Variants in GALNT17 observed in about 807,000 individuals in gnomAD.
GALNT17 encodes polypeptide N-acetylgalactosaminyltransferase 17.
GALNT17 carries 29 observed loss-of-function variants against 63.7 expected under a neutral mutation model. That is an observed-to-expected ratio of 0.46 (90% CI 0.34 to 0.62). The LOEUF (loss-of-function observed/expected upper bound fraction) is 0.62, where lower values mean the gene tolerates loss of function less well. Among genes scored for constraint, GALNT17 ranks in the 20% least tolerant of loss-of-function variants. The probability of loss-of-function intolerance (pLI) is 0.01; values close to 1 mark genes in which losing one functional copy is unlikely to be tolerated. For synonymous variants in GALNT17, 305 were observed against 318.3 expected (o/e 0.96, Z 0.45); for missense variants, 603 against 799.6 (o/e 0.75, Z 2.97).
At chr7:71,159,833 G>T (rs1678059122) in intron 1 of GALNT17, among the ~76,000 whole-genome samples, 1 of 151,266 alleles carries the variant, frequency 6.6e-6, no homozygotes, top group African/African-American at 2.5e-5. Flanking sequence ...CCAGTCTGGG[G>T]TGCAGTGGTG....
chr7:71,239,295 A>AC (rs35429124), intron 1 of GALNT17, among the ~76,000 whole-genome samples: 59,650 of 136,388 alleles, frequency 0.44, 12,738 homozygotes, highest in East Asian at 0.73. Context: ...CCCTGTCTGT[A>AC]CCCCCCCCCA....
intron 5 of GALNT17, among the ~76,000 whole-genome samples, chr7:71,436,324 G>C (rs987961578): frequency 3.9e-5 from 6 of 152,068 alleles, no homozygotes; most frequent in South Asian, 2.1e-4. Context: ...CTTGGCAACT[G>C]AGTGAAACCC....
intron 1 of GALNT17, among the ~76,000 whole-genome samples, chr7:71,275,645 C>G (rs759574700): frequency 1.3e-5 from 2 of 152,168 alleles, no homozygotes; most frequent in African/African-American, 4.8e-5. Flanking sequence ...ACACAAATAG[C>G]TAGAAAGCGT....
At chr7:71,591,169 G>A (rs1434730146) in intron 6 of GALNT17, among the ~76,000 whole-genome samples, 1 of 152,114 alleles carries the variant, frequency 6.6e-6, no homozygotes, top group Non-Finnish European at 1.5e-5. Context: ...CGATTCTCCT[G>A]CCTCAGGCTT....
intron 6 of GALNT17, among the ~76,000 whole-genome samples, chr7:71,617,099 A>G (rs920149641): frequency 1.4e-5 from 2 of 148,130 alleles, no homozygotes; most frequent in African/African-American, 2.5e-5. Flanking sequence ...TATCAGTTAT[A>G]TACTTAATTA....
intron 6 of GALNT17, among the ~76,000 whole-genome samples, chr7:71,658,146 A>G (rs1359030254): frequency 6.6e-6 from 1 of 152,170 alleles, no homozygotes; most frequent in Admixed American, 6.6e-5. Flanking sequence ...GCCTCAAGGA[A>G]TCCTGCTGCC....
intron 6 of GALNT17, among the ~76,000 whole-genome samples, chr7:71,594,559 ATAT>A (rs971472638): frequency 3.0e-4 from 46 of 152,092 alleles, no homozygotes; most frequent in African/African-American, 1.1e-3. Context: ...CGAAGTGTTC[ATAT>A]TATAGGGATT....
intron 5 of GALNT17, among the ~76,000 whole-genome samples, chr7:71,482,079 A>ATGTG (rs371371505): frequency 0.053 from 7,237 of 136,784 alleles, 208 homozygotes; most frequent in East Asian, 0.16. Context: ...ACATATATGT[A>ATGTG]TATGTGTGTG....
intron 6 of GALNT17, among the ~76,000 whole-genome samples, chr7:71,643,155 A>G (rs1280598118): frequency 6.6e-6 from 1 of 151,268 alleles, no homozygotes; most frequent in African/African-American, 2.5e-5. Flanking sequence ...TTCAAGATCA[A>G]CGCTATTCAG....
chr7:71,546,247 G>C (rs1297057064), intron 5 of GALNT17, among the ~76,000 whole-genome samples: 2 of 150,588 alleles, frequency 1.3e-5, no homozygotes, highest in Non-Finnish European at 2.9e-5. Flanking sequence ...TGCAGCCTCA[G>C]CCTCCCTGGC....
At chr7:71,318,577 G>A (rs975237762) in intron 1 of GALNT17, among the ~76,000 whole-genome samples, 5 of 151,902 alleles carry the variant, frequency 3.3e-5, no homozygotes, top group African/African-American at 1.2e-4. Flanking sequence ...GCACCACCAC[G>A]CCCAGCTAAG....
intron 1 of GALNT17, among the ~76,000 whole-genome samples, chr7:71,290,263 A>C (rs748046097): frequency 2.0e-5 from 3 of 152,148 alleles, no homozygotes. Flanking sequence ...TGTTTTATAC[A>C]TGTGTGTGAA....
intron 5 of GALNT17, among the ~76,000 whole-genome samples, chr7:71,486,334 AAATAATAATAAT>A (rs68046826): frequency 0.13 from 17,703 of 133,190 alleles, 1,287 homozygotes; most frequent in East Asian, 0.24. Context: ...GCCTGTCTGA[AAATAATAATAAT>A]AATAATAATA....
chr7:71,527,946 G>GT (rs1018181665), intron 5 of GALNT17, among the ~76,000 whole-genome samples: 2 of 151,950 alleles, frequency 1.3e-5, no homozygotes, highest in East Asian at 1.9e-4. Flanking sequence ...TTGCACCAAG[G>GT]TTTTTTTTAA....
At chr7:71,406,165 A>G (rs923052167) in intron 3 of GALNT17, among the ~76,000 whole-genome samples, 1 of 152,148 alleles carries the variant, frequency 6.6e-6, no homozygotes, top group Non-Finnish European at 1.5e-5. Flanking sequence ...TTGGTTAGCA[A>G]TTTGGGGATA....
At chr7:71,150,579 C>T (rs1183685991) in intron 1 of GALNT17, among the ~76,000 whole-genome samples, 5 of 150,142 alleles carry the variant, frequency 3.3e-5, no homozygotes, top group African/African-American at 7.4e-5. Flanking sequence ...GGTGCGACCT[C>T]GGCTCACTGC....
At chr7:71,389,698 G>T (rs1014124011) in intron 3 of GALNT17, among the ~76,000 whole-genome samples, 1 of 151,876 alleles carries the variant, frequency 6.6e-6, no homozygotes, top group South Asian at 2.1e-4. Context: ...TCCCCACCCC[G>T]CACCCCATCT....
At chr7:71,258,735 TAAAC>T (rs958915161) in intron 1 of GALNT17, among the ~76,000 whole-genome samples, 1 of 150,532 alleles carries the variant, frequency 6.6e-6, no homozygotes, top group African/African-American at 2.5e-5. Flanking sequence ...AAACTGCAAA[TAAAC>T]ACAGTAAGAG....
chr7:71,644,676 A>G (rs995409653), intron 6 of GALNT17, among the ~76,000 whole-genome samples: 3 of 151,952 alleles, frequency 2.0e-5, no homozygotes. Context: ...GCTTAAGCCC[A>G]GGAGTTCAAG....
Sources: gnomAD v4.1 joint callset for allele counts (sites outside exome capture counted in the v4.1 genomes callset) on GRCh38, gnomAD v4.1.1 for gene constraint, MANE v1.5 for transcripts, NCBI Gene and HGNC (gene_info 2026-07-23, HGNC 2026-07-21) for gene names.